RAB3C: variants seen among roughly 807,000 people sequenced by gnomAD.
RAB3C encodes the protein RAB3C, member RAS oncogene family.
A neutral mutation model predicts 26.4 loss-of-function variants in RAB3C; 17 were observed. That is an observed-to-expected ratio of 0.64 (90% CI 0.44 to 0.97). The LOEUF is 0.97. RAB3C is among the 50% of genes least tolerant of loss of function. The probability of loss-of-function intolerance (pLI) is 0.00; values close to 1 mark genes in which losing one functional copy is unlikely to be tolerated. For synonymous variants in RAB3C, 91 were observed against 95.9 expected (o/e 0.95, Z 0.30); for missense variants, 242 against 281.9 (o/e 0.86, Z 1.01).
chr5:58,827,323 T>G (rs1743505142), intron 4 of RAB3C, among the ~76,000 whole-genome samples: 1 of 152,196 alleles, frequency 6.6e-6, no homozygotes, highest in Non-Finnish European at 1.5e-5. Flanking sequence ...GGGAAGAAAC[T>G]GCTACACAGA....
chr5:58,674,665 G>A (rs1481083226), intron 2 of RAB3C, among the ~76,000 whole-genome samples: 2 of 152,170 alleles, frequency 1.3e-5, no homozygotes, highest in Non-Finnish European at 2.9e-5. Context: ...ATAGTATGAA[G>A]TTGAAATAGG....
At chr5:58,834,699 C>T (rs1419114867) in intron 4 of RAB3C, among the ~76,000 whole-genome samples, 1 of 152,204 alleles carries the variant, frequency 6.6e-6, no homozygotes, top group African/African-American at 2.4e-5. Flanking sequence ...TCCCCAGGCT[C>T]ACTTTCTTTT....
chr5:58,629,413 T>C (rs1747141691), intron 2 of RAB3C, among the ~76,000 whole-genome samples: 1 of 152,206 alleles, frequency 6.6e-6, no homozygotes, highest in African/African-American at 2.4e-5. Context: ...TATGAATGAC[T>C]GCAGTGTGCT....
intron 3 of RAB3C, among the ~76,000 whole-genome samples, chr5:58,821,197 C>T (rs1007892122): frequency 1.3e-5 from 2 of 152,162 alleles, no homozygotes; most frequent in African/African-American, 4.8e-5. Flanking sequence ...CTGTGACACT[C>T]TCTGGTGAAC....
At chr5:58,648,547 C>T (rs924337577) in intron 2 of RAB3C, among the ~76,000 whole-genome samples, 2 of 152,130 alleles carry the variant, frequency 1.3e-5, no homozygotes, top group Non-Finnish European at 2.9e-5. Context: ...AAAATATTCT[C>T]CTGTTTCTTG....
At chr5:58,793,648 C>T (rs1742580521) in intron 3 of RAB3C, among the ~76,000 whole-genome samples, 1 of 150,266 alleles carries the variant, frequency 6.7e-6, no homozygotes, top group African/African-American at 2.5e-5. Context: ...CACATGCACA[C>T]ATACATATAG....
intron 2 of RAB3C, among the ~76,000 whole-genome samples, chr5:58,712,617 C>A (rs933870809): frequency 6.6e-6 from 1 of 152,208 alleles, no homozygotes; most frequent in South Asian, 2.1e-4. Flanking sequence ...CTCTGCCTCC[C>A]GGGTTCAAGC....
chr5:58,758,506 A>G (rs1004183087), intron 3 of RAB3C, among the ~76,000 whole-genome samples: 1 of 152,168 alleles, frequency 6.6e-6, no homozygotes, highest in African/African-American at 2.4e-5. Flanking sequence ...ATTTTTTAAT[A>G]CGCATGTTAA....
At chr5:58,617,364 AT>A (rs1746845226) in intron 1 of RAB3C, 2 of 614,662 alleles carry the variant, frequency 3.3e-6, no homozygotes, top group South Asian at 3.4e-5. Flanking sequence ...CCTTATAGAC[AT>A]CCCCTTTGGT....
Position 58,647,009 on chromosome 5 carries a change from T to C in RAB3C, c.252+29139T>C, listed in dbSNP as rs950864451. Among the ~76,000 whole-genome samples, 5 of 152,342 alleles carry C rather than the reference T, an allele frequency of 3.3e-5. No homozygotes were observed. The East Asian group carries it at 9.6e-4, about 29-fold the overall frequency. ...GGTCCACCTATAAAGTATCCAGATATAGAGGCACAGTATTGCTTGATCCAA... is the reference window on the plus strand; with the variant it reads ...GGTCCACCTATAAAGTATCCAGATACAGAGGCACAGTATTGCTTGATCCAA... On this transcript the variant is annotated intron_variant, in intron 2 of 4. Coordinates refer to ENST00000282878, the MANE Select transcript of RAB3C (RefSeq NM_138453.4).
chr5:58,703,230 TG>T (rs1748883226), intron 2 of RAB3C, among the ~76,000 whole-genome samples: 1 of 152,216 alleles, frequency 6.6e-6, no homozygotes, highest in Admixed American at 6.5e-5. Flanking sequence ...TTGCCCAGGC[TG>T]GAGTGCAATG....
chr5:58,611,957 C>T (rs1369016379), intron 1 of RAB3C, among the ~76,000 whole-genome samples: 4 of 151,936 alleles, frequency 2.6e-5, no homozygotes, highest in Non-Finnish European at 5.9e-5. Context: ...ACTGCTAGCC[C>T]GTTCTCCCAG....
intron 3 of RAB3C, among the ~76,000 whole-genome samples, chr5:58,817,863 C>A (rs932197439): frequency 6.6e-6 from 1 of 152,044 alleles, no homozygotes; most frequent in Non-Finnish European, 1.5e-5. Context: ...AGAGCAAAAG[C>A]AGGTTGGGAA....
At chr5:58,644,327 C>T (rs1747473396) in intron 2 of RAB3C, 1 of 152,180 alleles carries the variant, frequency 6.6e-6, no homozygotes, top group African/African-American at 2.4e-5. Context: ...AATTACTTCT[C>T]TGAGCTTCAG....
At chr5:58,743,748 A>G (rs1048521490) in intron 3 of RAB3C, among the ~76,000 whole-genome samples, 4 of 152,182 alleles carry the variant, frequency 2.6e-5, no homozygotes, top group African/African-American at 4.8e-5. Context: ...CAGCATCAGG[A>G]TTTTTAAAAA....
intron 4 of RAB3C, among the ~76,000 whole-genome samples, chr5:58,832,419 G>C (rs1743632976): frequency 6.6e-6 from 1 of 152,104 alleles, no homozygotes; most frequent in Non-Finnish European, 1.5e-5. Context: ...CTTCAAAATA[G>C]AACTCATGAA....
chr5:58,679,745 A>G (rs1183061437), intron 2 of RAB3C, among the ~76,000 whole-genome samples: 2 of 152,208 alleles, frequency 1.3e-5, no homozygotes, highest in Non-Finnish European at 2.9e-5. Context: ...ATTTGATTCA[A>G]AAATCTGAAT....
At chr5:58,816,541 G>A (rs889858726) in intron 3 of RAB3C, among the ~76,000 whole-genome samples, 1 of 152,200 alleles carries the variant, frequency 6.6e-6, no homozygotes, top group Non-Finnish European at 1.5e-5. Flanking sequence ...ACAGTTGGAA[G>A]TCAGCCAACA....
chr5:58,819,253 A>G (rs1219513105), intron 3 of RAB3C, among the ~76,000 whole-genome samples: 5 of 152,220 alleles, frequency 3.3e-5, no homozygotes, highest in Admixed American at 6.5e-5. Flanking sequence ...ATACTGAACT[A>G]AACAATTCAG....
Sources: allele counts gnomAD v4.1 joint callset (sites outside exome capture counted in the v4.1 genomes callset), GRCh38; gene constraint gnomAD v4.1.1; transcripts MANE v1.5; gene names NCBI Gene and HGNC (gene_info 2026-07-23, HGNC 2026-07-21).